Variants in GRID2 observed in about 807,000 individuals in gnomAD.
The protein encoded by GRID2 is glutamate ionotropic receptor delta type subunit 2.
In GRID2, 33 loss-of-function variants were observed where a neutral mutation model predicts 114.8. That is an observed-to-expected ratio of 0.29 (90% confidence interval 0.22 to 0.38). The LOEUF is 0.38. Among genes scored for constraint, GRID2 ranks in the 10% least tolerant of loss-of-function variants. The pLI is 1.00. For synonymous variants in GRID2, 505 were observed against 449.9 expected (o/e 1.12, Z -1.55); for missense variants, 1,184 against 1,257.7 (o/e 0.94, Z 0.89).
At chr4:93,093,114 C>T (rs1205342898) in intron 3 of GRID2, among the ~76,000 whole-genome samples, 1 of 152,058 alleles carries the variant, frequency 6.6e-6, no homozygotes, top group East Asian at 1.9e-4. Context: ...GAGGTAAAGT[C>T]TTCTAAAGGA....
chr4:93,524,998 A>G (rs1730743923), intron 13 of GRID2, among the ~76,000 whole-genome samples: 1 of 151,892 alleles, frequency 6.6e-6, no homozygotes, highest in Non-Finnish European at 1.5e-5. Context: ...TCATGATGAA[A>G]GCCAGATCTG....
intron 1 of GRID2, among the ~76,000 whole-genome samples, chr4:92,333,398 AG>A (rs1227881465): frequency 6.6e-6 from 1 of 152,188 alleles, no homozygotes; most frequent in East Asian, 1.9e-4. Flanking sequence ...TTTGTCCTCA[AG>A]ATCTTAGTTT....
At position 92,688,964 on chromosome 4, in the gene GRID2, T is replaced by A. The variant is rs1220842305; in HGVS notation, c.244+98678T>A. Among the ~76,000 whole-genome samples, 3 of 152,182 alleles carry A rather than the reference T, an allele frequency of 2.0e-5. No homozygotes were observed. The East Asian group carries it at 5.8e-4, about 29-fold the overall frequency. The stretch of plus-strand genomic sequence containing the variant: ...CTCTTTTGATTCATGGGCTGCAGAA[T>A]GGGTGTTGTGTTAAAAAGTACACAA... On this transcript the variant is annotated intron_variant, in intron 2 of 15. Transcript: ENST00000282020.
At chr4:93,269,630 G>A (rs1436886216) in intron 8 of GRID2, among the ~76,000 whole-genome samples, 1 of 152,192 alleles carries the variant, frequency 6.6e-6, no homozygotes, top group Non-Finnish European at 1.5e-5. Context: ...CTTTCTGTTT[G>A]TAAAATCCAT....
In GRID2 at chr4:93,095,702, G is replaced by A. The variant is rs10030150; in HGVS notation, c.529+10423G>A. Among the ~76,000 whole-genome samples, 159 of 151,902 alleles carry A rather than the reference G, an allele frequency of 1.0e-3. 2 individuals are homozygous for A. The highest frequency in any genetic ancestry group is 3.5e-3 in the African/African-American group (147 of 41,472). On this transcript the variant is annotated intron_variant, in intron 3 of 15. Transcript: ENST00000282020. The stretch of plus-strand genomic sequence containing the variant: ...CCCAGAAATAAATCTGCAAAATTTT[G>A]CAAGACATTTACGCTAAAAATTATG...
chr4:92,803,100 G>A (rs902455342), intron 2 of GRID2, among the ~76,000 whole-genome samples: 11 of 151,788 alleles, frequency 7.2e-5, no homozygotes, highest in Non-Finnish European at 1.0e-4. Flanking sequence ...TCTCTCTCGA[G>A]GGATGTTCAC....
chr4:93,039,248 C>T (rs1293576634), intron 2 of GRID2, among the ~76,000 whole-genome samples: 1 of 148,960 alleles, frequency 6.7e-6, no homozygotes, highest in Non-Finnish European at 1.5e-5. Flanking sequence ...TGTTGTCACT[C>T]ATAAGTGGGA....
At chr4:92,919,418 T>C (rs2149501650) in intron 2 of GRID2, among the ~76,000 whole-genome samples, 1 of 152,332 alleles carries the variant, frequency 6.6e-6, no homozygotes, top group Non-Finnish European at 1.5e-5. Context: ...TTGCCTTGCT[T>C]CTCTAGTTCT....
chr4:92,971,074 G>T (rs757080393), intron 2 of GRID2, among the ~76,000 whole-genome samples: 1 of 151,794 alleles, frequency 6.6e-6, no homozygotes. Context: ...GGGCTCAAAT[G>T]ATATTCTCGC....
intron 2 of GRID2, among the ~76,000 whole-genome samples, chr4:92,845,666 C>T (rs1001976435): frequency 1.3e-5 from 2 of 152,092 alleles, no homozygotes; most frequent in Non-Finnish European, 2.9e-5. Flanking sequence ...CTGGCAGCAA[C>T]CACACAATTG....
chr4:92,933,590 A>G (rs1398276793), intron 2 of GRID2, among the ~76,000 whole-genome samples: 3 of 151,526 alleles, frequency 2.0e-5, no homozygotes, highest in African/African-American at 4.8e-5. Flanking sequence ...CATAAATTTG[A>G]GGCTGAATGA....
chr4:93,201,758 T>C (rs1742131220), intron 4 of GRID2, among the ~76,000 whole-genome samples: 1 of 152,134 alleles, frequency 6.6e-6, no homozygotes, highest in Non-Finnish European at 1.5e-5. Context: ...TTTCCTTGCA[T>C]TGGGTTGTGT....
chr4:93,687,825 G>T (rs902938457), intron 14 of GRID2, among the ~76,000 whole-genome samples: 18 of 151,774 alleles, frequency 1.2e-4, no homozygotes, highest in African/African-American at 4.1e-4. Context: ...ATTGAAAGGA[G>T]AACTGGAATC....
At chr4:92,766,261 G>A (rs561375948) in intron 2 of GRID2, among the ~76,000 whole-genome samples, 28 of 152,234 alleles carry the variant, frequency 1.8e-4, no homozygotes, top group African/African-American at 6.0e-4. Context: ...ACTTTTAGCT[G>A]GGTGCGGTGG....
chr4:92,398,626 T>G (rs567938326), intron 1 of GRID2, among the ~76,000 whole-genome samples: 21 of 152,306 alleles, frequency 1.4e-4, no homozygotes, highest in Middle Eastern at 6.8e-3. Flanking sequence ...AGGTAGAGGA[T>G]AAACTTCATT....
intron 8 of GRID2, among the ~76,000 whole-genome samples, chr4:93,371,253 T>A (rs1579854918): frequency 6.6e-6 from 1 of 152,166 alleles, no homozygotes; most frequent in Admixed American, 6.5e-5. Flanking sequence ...ATGATATAAT[T>A]GTTAAGCCTA....
At chr4:92,485,340 ATATATATAGT>A (rs1453499018) in intron 1 of GRID2, among the ~76,000 whole-genome samples, 2,874 of 81,698 alleles carry the variant, frequency 0.035, 27 homozygotes, top group Non-Finnish European at 0.055. Flanking sequence ...ATATATATAT[ATATATATAGT>A]GTGTGTGTGT....
intron 4 of GRID2, among the ~76,000 whole-genome samples, chr4:93,173,829 G>A (rs1579192795): frequency 6.6e-6 from 1 of 152,112 alleles, no homozygotes; most frequent in East Asian, 1.9e-4. Context: ...ACAGGGTCTT[G>A]CTATTTGCCC....
At chr4:92,840,250 C>T (rs561891806) in intron 2 of GRID2, among the ~76,000 whole-genome samples, 22 of 151,874 alleles carry the variant, frequency 1.4e-4, no homozygotes, top group South Asian at 8.3e-4. Flanking sequence ...AGATGCAGAT[C>T]GATCTTGTTT....
Sources: allele counts gnomAD v4.1 joint callset (sites outside exome capture counted in the v4.1 genomes callset), GRCh38; gene constraint gnomAD v4.1.1; transcripts MANE v1.5; gene names NCBI Gene and HGNC (gene_info 2026-07-23, HGNC 2026-07-21).